The following GPHN variants were observed in gnomAD, a reference collection of about 807,000 sequenced individuals.
GPHN encodes gephyrin.
A neutral mutation model predicts 95.5 loss-of-function variants in GPHN; 17 were observed. The observed-to-expected ratio is 0.18, with a 90% CI of 0.12 to 0.27. The LOEUF is 0.27. Ranked by LOEUF, GPHN falls within the 10% of genes least tolerant of loss-of-function variation. The pLI, the probability that GPHN is intolerant of heterozygous loss-of-function variation, is 1.00. For synonymous variants in GPHN, 320 were observed against 322.5 expected, an observed-to-expected ratio of 0.99 and a Z score of 0.08; for missense variants, 660 against 978.1, an observed-to-expected ratio of 0.67 and a Z score of 4.34.
chr14:66,733,224 A>G (rs543407964), intron 2 of GPHN, among the ~76,000 whole-genome samples: 34 of 151,718 alleles, frequency 2.2e-4, no homozygotes, highest in Non-Finnish European at 4.7e-4. Context: ...GCCACATAAG[A>G]CATGCCTGCC....
At chr14:67,593,970 C>T in the GPHN span, 1 of 1,562,386 alleles carries the variant, frequency 6.4e-7, no homozygotes, top group Non-Finnish European at 8.8e-7. Context: ...GAGAGCCAGA[C>T]ACAGACAGTA....
At chr14:66,553,117 G>T (rs928487111) in intron 1 of GPHN, among the ~76,000 whole-genome samples, 1 of 151,786 alleles carries the variant, frequency 6.6e-6, no homozygotes, top group African/African-American at 2.4e-5. Flanking sequence ...AGCCTCTCAA[G>T]TAGCTGGGAT....
chr14:67,202,260 G>A, the GPHN span, among the ~76,000 whole-genome samples: 1 of 152,148 alleles, frequency 6.6e-6, no homozygotes, highest in Non-Finnish European at 1.5e-5. Flanking sequence ...CACCAACATG[G>A]TGAAGCCCCG....
At chr14:66,834,723 G>A (rs1212849041) in intron 4 of GPHN, among the ~76,000 whole-genome samples, 1 of 151,730 alleles carries the variant, frequency 6.6e-6, no homozygotes. Context: ...TCTCTTTTAT[G>A]GTTGTGTCTC....
chr14:67,630,339 T>A, the GPHN span, among the ~76,000 whole-genome samples: 2 of 152,332 alleles, frequency 1.3e-5, no homozygotes, highest in East Asian at 3.9e-4. Context: ...GTGGTTCTCT[T>A]CCTTTAAGTT....
At position 67,122,353 on chromosome 14, in the gene GPHN, T is replaced by C. The variant is rs2079058112; in HGVS notation, c.1724T>C (p.Ile575Thr). Residue 575 changes from isoleucine (I) to threonine (T), a missense_variant, in exon 17 of 23, where the codon ATC becomes ACC. Around this residue, in one of 6 missense-constraint regions of GPHN, gnomAD observed 257 missense variants for 376.2 expected, o/e 0.68. Transcript: ENST00000478722. ...ATIQEHGYPT[I>T]NLGIVGDNPD... ...ATTCAGGAACATGGTTACCCCACGATCAACTTGGGTATTGTAGGAGACAAG... is the reference window on the plus strand; with the variant it reads ...ATTCAGGAACATGGTTACCCCACGACCAACTTGGGTATTGTAGGAGACAAG... The C allele has an allele frequency of 6.2e-7, 1 of 1,613,004 alleles. No individual in the cohort carries two copies. Among genetic ancestry groups the C allele is most frequent in the Admixed American group, 1.7e-5 (1 of 59,996 alleles).
At chr14:66,693,413 ATGAT>A (rs1218462475) in intron 2 of GPHN, among the ~76,000 whole-genome samples, 7 of 152,214 alleles carry the variant, frequency 4.6e-5, no homozygotes, top group South Asian at 2.1e-4. Flanking sequence ...AACAGAACCA[ATGAT>A]TGATTGATTG....
chr14:67,576,446 G>A, the GPHN span: 4 of 1,610,054 alleles, frequency 2.5e-6, no homozygotes, highest in African/African-American at 5.3e-5. This position sits in a 1 kb window ranked among gnomAD's most constrained non-coding sequence, Gnocchi z 4.0. Context: ...CAGTGCCAAG[G>A]TGGGCACTGC....
At chr14:66,547,623 G>T (rs1263342052) in intron 1 of GPHN, among the ~76,000 whole-genome samples, 2 of 152,082 alleles carry the variant, frequency 1.3e-5, no homozygotes, top group Non-Finnish European at 2.9e-5. Context: ...TATTATAATG[G>T]GAAGCTGAGG....
At chr14:67,445,577 C>CTTTTTTTTTTTTTTT in the GPHN span, among the ~76,000 whole-genome samples, 36 of 59,936 alleles carry the variant, frequency 6.0e-4, 3 homozygotes, top group Non-Finnish European at 7.8e-4. Flanking sequence ...AGAGGCAATT[C>CTTTTTTTTTTTTTTT]TTTTTTTTTT....
At chr14:66,617,099 G>A (rs1325055171) in intron 1 of GPHN, among the ~76,000 whole-genome samples, 1 of 152,158 alleles carries the variant, frequency 6.6e-6, no homozygotes, top group Non-Finnish European at 1.5e-5. Flanking sequence ...TGGGCTTCCC[G>A]GATTCCTCAG....
chr14:67,033,170 A>G (rs2074268589), intron 10 of GPHN, among the ~76,000 whole-genome samples: 1 of 152,210 alleles, frequency 6.6e-6, no homozygotes, highest in Non-Finnish European at 1.5e-5. Context: ...CAATTACTTG[A>G]CCAATCAGAA....
chr14:67,324,983 C>T, the GPHN span, among the ~76,000 whole-genome samples: 3 of 146,400 alleles, frequency 2.0e-5, no homozygotes, highest in East Asian at 6.3e-4. Flanking sequence ...CGGCTGACTG[C>T]AAGCTCCGCC....
chr14:66,772,651 G>C (rs1029642164), intron 2 of GPHN, among the ~76,000 whole-genome samples: 1 of 152,074 alleles, frequency 6.6e-6, no homozygotes, highest in Non-Finnish European at 1.5e-5. Flanking sequence ...ATTTCTTCCT[G>C]AATAGAGTAT....
intron 1 of GPHN, among the ~76,000 whole-genome samples, chr14:66,562,456 A>T (rs145902732): frequency 1.3e-5 from 2 of 152,164 alleles, no homozygotes; most frequent in Non-Finnish European, 2.9e-5. Flanking sequence ...TTATTTGTCA[A>T]TTGTACCTTA....
chr14:67,657,085 T>C, the GPHN span: 1 of 152,386 alleles, frequency 6.6e-6, no homozygotes, highest in Admixed American at 6.5e-5. Flanking sequence ...ATGAATAAGC[T>C]ATTCTGTTCT....
the GPHN span, among the ~76,000 whole-genome samples, chr14:67,299,047 A>G: frequency 6.6e-6 from 1 of 152,202 alleles, no homozygotes; most frequent in Non-Finnish European, 1.5e-5. Flanking sequence ...TGAATATCCC[A>G]CAATTTGACC....
chr14:67,574,349 T>C, the GPHN span: 1 of 1,597,394 alleles, frequency 6.3e-7, no homozygotes. This position sits in a 1 kb window ranked among gnomAD's most constrained non-coding sequence, Gnocchi z 4.2. Flanking sequence ...CCACCGGGCC[T>C]CCAGCTCTGC....
chr14:67,089,096 A>G (rs2077028138), intron 12 of GPHN, 21 bp downstream of exon 12: 1 of 1,047,278 alleles, frequency 9.5e-7, no homozygotes, highest in Non-Finnish European at 1.5e-6. Context: ...TGGTTTTCTT[A>G]AACATAATCA....
Sources: allele counts gnomAD v4.1 joint callset (sites outside exome capture counted in the v4.1 genomes callset), GRCh38; gene constraint gnomAD v4.1.1; regional missense constraint gnomAD v4.1.1; non-coding constraint Gnocchi (gnomAD v3.1); transcripts MANE v1.5; gene names NCBI Gene and HGNC (gene_info 2026-07-23, HGNC 2026-07-21).